MTRFR: variants seen among roughly 807,000 people sequenced by gnomAD.
The protein encoded by MTRFR is probable peptide chain release factor C12orf65, mitochondrial.
A neutral mutation model predicts 11.9 loss-of-function variants in MTRFR; 10 were observed. That is an observed-to-expected ratio of 0.84 (90% CI 0.52 to 1.42). The LOEUF (loss-of-function observed/expected upper bound fraction) is 1.42. Among genes scored for constraint, MTRFR ranks in the 40% most tolerant of loss-of-function variants. The probability of loss-of-function intolerance (pLI) is 0.00; values close to 1 mark genes in which losing one functional copy is unlikely to be tolerated. For synonymous variants in MTRFR, 77 were observed against 79.1 expected, an observed-to-expected ratio of 0.97 and a Z score of 0.14; for missense variants, 196 against 197.9, an observed-to-expected ratio of 0.99 and a Z score of 0.06.
At chr12:123,238,833 C>T (rs1235392739) in intron 1 of MTRFR, among the ~76,000 whole-genome samples, 1 of 152,168 alleles carries the variant, frequency 6.6e-6, no homozygotes, top group Admixed American at 6.6e-5. Flanking sequence ...ATGTGGACCA[C>T]ACTTTGGGTA....
intron 1 of MTRFR, among the ~76,000 whole-genome samples, chr12:123,252,807 C>A (rs2048129991): frequency 6.6e-6 from 1 of 151,968 alleles, no homozygotes; most frequent in Non-Finnish European, 1.5e-5. Context: ...CGCCTGTAAT[C>A]CCAGCTACTC....
intron 1 of MTRFR, among the ~76,000 whole-genome samples, chr12:123,241,697 G>A (rs2047940350): frequency 1.3e-5 from 2 of 151,660 alleles, no homozygotes; most frequent in East Asian, 2.0e-4. Context: ...GACAGCTTCT[G>A]GGCTCAAGCA....
upstream of MTRFR, chr12:123,233,253 C>G (rs2047753181): frequency 1.3e-5 from 2 of 152,332 alleles, no homozygotes; most frequent in Admixed American, 1.3e-4. Context: ...CAGCTCCAAC[C>G]AAAGAGAGAC....
chr12:123,243,683 G>A (rs10772999), intron 1 of MTRFR: 89,820 of 152,026 alleles, frequency 0.59, 30,787 homozygotes, highest in Non-Finnish European at 0.75. Flanking sequence ...CCACCCTGGC[G>A]ACAAAGCAAG....
At chr12:123,233,627 C>G (rs1409849464) in intron 1 of MTRFR, 96 bp downstream of exon 1, 1 of 152,206 alleles carries the variant, frequency 6.6e-6, no homozygotes, top group African/African-American at 2.4e-5. Context: ...CTGGGTTTTT[C>G]CCGACTTGCG....
chr12:123,244,289 G>A (rs764674516), intron 1 of MTRFR, among the ~76,000 whole-genome samples: 20 of 151,946 alleles, frequency 1.3e-4, no homozygotes, highest in Non-Finnish European at 2.9e-4. Context: ...AAAATTAGCC[G>A]GGCGTGGTAG....
At chr12:123,233,915 C>T (rs563162551) in intron 1 of MTRFR, 3 of 152,174 alleles carry the variant, frequency 2.0e-5, no homozygotes, top group Non-Finnish European at 4.4e-5. Context: ...AGGCCTGGCA[C>T]GTAGTAGAGG....
intron 1 of MTRFR, chr12:123,248,812 C>CTGATTG (rs1392425731): frequency 1.3e-5 from 2 of 152,240 alleles, no homozygotes; most frequent in African/African-American, 4.8e-5. Flanking sequence ...TTACAGAGAG[C>CTGATTG]TGATTGGCCC....
chr12:123,246,891 C>T (rs1023939458), intron 1 of MTRFR, among the ~76,000 whole-genome samples: 5 of 151,784 alleles, frequency 3.3e-5, no homozygotes, highest in East Asian at 1.9e-4. Context: ...CCACCACGCC[C>T]GGCTAATTTT....
intron 1 of MTRFR, among the ~76,000 whole-genome samples, chr12:123,247,761 C>T (rs1192891589): frequency 6.6e-6 from 1 of 152,088 alleles, no homozygotes; most frequent in African/African-American, 2.4e-5. Flanking sequence ...CTGGCTAACA[C>T]AGTGAGACCT....
At chr12:123,242,362 G>A (rs914953230) in intron 1 of MTRFR, among the ~76,000 whole-genome samples, 9 of 152,130 alleles carry the variant, frequency 5.9e-5, no homozygotes, top group African/African-American at 2.2e-4. Context: ...GCACTTCTCT[G>A]TACCATTTTT....
At chr12:123,238,622 AAAAG>A (rs1232346867) in intron 1 of MTRFR, among the ~76,000 whole-genome samples, 1 of 152,160 alleles carries the variant, frequency 6.6e-6, no homozygotes, top group Non-Finnish European at 1.5e-5. Context: ...TTAGAAAAGA[AAAAG>A]AAAAGCTTTT....
chr12:123,238,596 C>T (rs1254692389), intron 1 of MTRFR, among the ~76,000 whole-genome samples: 1 of 152,024 alleles, frequency 6.6e-6, no homozygotes, highest in Admixed American at 6.6e-5. Context: ...CATGATGAAA[C>T]CCCATCTCTA....
At chr12:123,254,319 C>G in intron 2 of MTRFR, 1 of 258,930 alleles carries the variant, frequency 3.9e-6, no homozygotes, top group South Asian at 5.4e-5. Flanking sequence ...CAGCATGGTT[C>G]TTTCAAATCC....
At chr12:123,247,813 C>T (rs184061061) in intron 1 of MTRFR, among the ~76,000 whole-genome samples, 6 of 152,092 alleles carry the variant, frequency 3.9e-5, no homozygotes, top group East Asian at 3.9e-4. Flanking sequence ...GGCGTGGTAG[C>T]GGGCACCTAT....
intron 1 of MTRFR, among the ~76,000 whole-genome samples, chr12:123,243,302 G>A (rs919047015): frequency 1.3e-5 from 2 of 151,732 alleles, no homozygotes; most frequent in East Asian, 1.9e-4. Flanking sequence ...AGGCCGAGGC[G>A]GGCGGATCAC....
intron 1 of MTRFR, among the ~76,000 whole-genome samples, chr12:123,242,821 C>G (rs1235410634): frequency 1.3e-5 from 2 of 152,164 alleles, no homozygotes; most frequent in African/African-American, 2.4e-5. Flanking sequence ...CTCTCTTTTT[C>G]CCTGCACTGG....
rs772476571 is a variant in MTRFR at position 123,253,747 on chromosome 12, C to T, written c.73C>T (p.Leu25Phe). Residue 25 changes from leucine to phenylalanine, a missense_variant, in exon 2 of 3, where the codon CTT becomes TTT. Transcript: ENST00000253233. ...RICPAPWGLR[L>F]WEKLTLLSPG... ...ATGCCCGGCGCCATGGGGACTCCGG[C>T]TTTGGGAGAAGCTGACGTTGTTATC... 4.3e-6 allele frequency: 7 copies of T among 1,614,156 alleles called. 1 individual carries two copies. In the South Asian group the frequency reaches 7.7e-5, roughly 18 times the overall value.
At chr12:123,239,752 C>T (rs1377079662) in intron 1 of MTRFR, among the ~76,000 whole-genome samples, 1 of 152,170 alleles carries the variant, frequency 6.6e-6, no homozygotes, top group East Asian at 1.9e-4. Flanking sequence ...ATTAACACAA[C>T]AGAGGTGACA....
Sources: allele counts gnomAD v4.1 joint callset (sites outside exome capture counted in the v4.1 genomes callset), GRCh38; gene constraint gnomAD v4.1.1; transcripts MANE v1.5; gene names NCBI Gene and HGNC (gene_info 2026-07-23, HGNC 2026-07-21).